Variants in NBPF19 observed in about 807,000 individuals in gnomAD.
The protein encoded by NBPF19 is NBPF member 19.
In NBPF19, 30 loss-of-function variants were observed where a neutral mutation model predicts 45.9. That is an observed-to-expected ratio of 0.65 (90% confidence interval 0.49 to 0.89). NBPF19 has a LOEUF of 0.89. Among genes scored for constraint, NBPF19 ranks in the 40% least tolerant of loss-of-function variants. NBPF19 has a pLI of 0.00. For synonymous variants in NBPF19, 183 were observed against 181.2 expected, an observed-to-expected ratio of 1.01 and a Z score of -0.08; for missense variants, 495 against 471.8, an observed-to-expected ratio of 1.05 and a Z score of -0.46.
At position 149,490,956 on chromosome 1, in the gene NBPF19, CTT is replaced by C. The variant is rs1431362861; in HGVS notation, c.1491-181_1491-180del. ...TGTGTGTGTGTGTGTCCATCTGTCTCTTTCATTCTTTTCCATTTGGCCCTGTT... is the reference window on the plus strand; with the variant it reads ...TGTGTGTGTGTGTGTCCATCTGTCTCTCATTCTTTTCCATTTGGCCCTGTT... On this transcript the variant is annotated intron_variant, in intron 13 of 93. Transcript: ENST00000651566. 3.1e-5 allele frequency among the ~76,000 whole-genome samples: 4 copies of C among 130,852 alleles called. 2 individuals are homozygous for C. Among genetic ancestry groups the C allele is most frequent in the African/African-American group, 1.2e-4 (4 of 32,290 alleles). The allele number at this position is 130,852 out of a possible 152,430, so 85.8% of individuals were successfully genotyped here.
intron 75 of NBPF19, among the ~76,000 whole-genome samples, chr1:149,540,092 GTC>G (rs2087075133): frequency 1.1e-4 from 2 of 18,978 alleles, no homozygotes; most frequent in Non-Finnish European, 8.1e-5. Context: ...CTCTGTCTCT[GTC>G]TCTCTCTCTC....
intron 3 of NBPF19, among the ~76,000 whole-genome samples, chr1:149,478,339 A>G (rs1317678798): frequency 6.6e-6 from 1 of 151,312 alleles, no homozygotes; most frequent in African/African-American, 2.4e-5. Context: ...AGCATTCAGT[A>G]TAATCAAAAT....
rs1281868207 is a variant in NBPF19, at chr1:149,475,508, A to G, written c.-323A>G. On this transcript the variant is annotated 5_prime_UTR_variant, in exon 1 of 94. An upstream start codon of the reference 5' UTR is lost. Coordinates refer to ENST00000651566, the MANE Select transcript of NBPF19 (RefSeq NM_001351365.2). ...AATACTGAGAGTGAATGCTGAAGGA[A>G]TGATCCCCATTGGTGGTGACCCTCA... 2 of 629,942 alleles carry G rather than the reference A, an allele frequency of 3.2e-6. No individual in the cohort carries two copies. Among genetic ancestry groups the G allele is most frequent in the Non-Finnish European group, 5.5e-6 (2 of 363,552 alleles). The allele number at this position is 629,942 out of a possible 1,614,324, so 39.0% of individuals were successfully genotyped here. A position where few individuals can be genotyped will look rare whatever the true frequency, so the allele number is the denominator to read the frequency against.
rs1421481299 is a variant in NBPF19, at chr1:149,554,776, G to A, written c.*38G>A. 1.4e-5 allele frequency: 23 copies of A among 1,607,220 alleles called. 1 individual carries two copies. Among genetic ancestry groups the A allele is most frequent in the Non-Finnish European group, 1.7e-5 (20 of 1,176,002 alleles). On this transcript the variant is annotated 3_prime_UTR_variant, in exon 94 of 94. Coordinates refer to ENST00000651566, the MANE Select transcript of NBPF19 (RefSeq NM_001351365.2). ...AAGCCGAGAGATGTCATTCCTGCAG[G>A]CAGGACCTATAGGCACGTGAAGATT...
chr1:149,487,338 G>T lies in NBPF19; in HGVS notation c.995G>T (p.Arg332Leu). 6.4e-7 allele frequency: 1 copy of T among 1,565,032 alleles called. No homozygotes were observed. The highest frequency in any genetic ancestry group is 1.4e-5 in the African/African-American group (1 of 73,964). Residue 332 changes from arginine (R) to leucine (L), a missense_variant, in exon 9 of 94, where the codon CGC becomes CTC. Physicochemically the swap from Arg to Leu is moderately radical, Grantham distance 102 (BLOSUM62 -2). Transcript: ENST00000651566. ...VCMAVDIGRH[R>L]WDQVKKEDQE... ...CATCTGAATTTATTTGCAGGACATC[G>T]CTGGGATCAAGTGAAAAAGGAGGAC...
chr1:149,528,941 CTCTCTGTG>C (rs1407716824), intron 61 of NBPF19, among the ~76,000 whole-genome samples: 1 of 124,168 alleles, frequency 8.1e-6, no homozygotes. Context: ...CTCGTTCTCT[CTCTCTGTG>C]TGTGTGTGTG....
chr1:149,555,781 T>C lies in NBPF19; in HGVS notation c.*1043T>C, dbSNP rs2087237321. On this transcript the variant is annotated 3_prime_UTR_variant, in exon 94 of 94. Transcript: ENST00000651566. ...TGGCTCAATGATCTACATTCTGAAGTTGTCTGAAAATGTCTTCATGATTAA... is the reference window on the plus strand; with the variant it reads ...TGGCTCAATGATCTACATTCTGAAGCTGTCTGAAAATGTCTTCATGATTAA... 1 of 150,774 alleles carries C rather than the reference T, an allele frequency of 6.6e-6. No individual in the cohort carries two copies. The highest frequency in any genetic ancestry group is 1.9e-4 in the East Asian group (1 of 5,160). 9.3% of individuals were successfully genotyped at this position (150,774 alleles called of 1,614,324 possible).
chr1:149,487,900 G>A (rs1375282442), intron 9 of NBPF19, 113 bp from the exon 10 acceptor site: 2 of 703,186 alleles, frequency 2.8e-6, no homozygotes, highest in East Asian at 2.9e-5. Context: ...CTCACTAATG[G>A]ATCTCTCCTT....
Position 149,486,589 on chromosome 1 carries a change from T to C in NBPF19, c.988+296T>C, listed in dbSNP as rs2085518344. On this transcript the variant is annotated intron_variant, in intron 8 of 93. Transcript: ENST00000651566. Reference sequence around the variant, plus strand: ...AACTCACACCAAACTATGTAGCACATGCCCAGGAGTTGTCTGTCAGATCAG... The same window carrying C: ...AACTCACACCAAACTATGTAGCACACGCCCAGGAGTTGTCTGTCAGATCAG... Among the ~76,000 whole-genome samples the C allele has an allele frequency of 4.0e-5, 6 of 151,510 alleles. 1 individual carries two copies. The highest frequency in any genetic ancestry group is 1.2e-4 in the African/African-American group (5 of 41,320).
rs2087244636 is a variant in NBPF19, at chr1:149,556,179, G to GAAAAC, written c.*1443_*1447dup. 6.8e-6 allele frequency: 1 copy of GAAAAC among 147,500 alleles called. No individual in the cohort carries two copies. The highest frequency in any genetic ancestry group is 2.2e-4 in the South Asian group (1 of 4,518). 9.1% of individuals were successfully genotyped at this position (147,500 alleles called of 1,614,324 possible). A position where few individuals can be genotyped will look rare whatever the true frequency, so the allele number is the denominator to read the frequency against. On this transcript the variant is annotated 3_prime_UTR_variant, in exon 94 of 94. Transcript: ENST00000651566. ...CTAGTGTCTGCTGTTGCAAAAAGAA[G>GAAAAC]AAAACATTCTCTGCCTGAGTTTTAA...
At chr1:149,477,279 A>G (rs1175117687) in intron 2 of NBPF19, among the ~76,000 whole-genome samples, 1 of 151,132 alleles carries the variant, frequency 6.6e-6, no homozygotes, top group Admixed American at 6.6e-5. Flanking sequence ...AACACTATCT[A>G]TTAGTTCTTC....
Position 149,486,173 on chromosome 1 carries a change from T to C in NBPF19, c.868T>C (p.Trp290Arg). Residue 290 changes from tryptophan (W) to arginine (R), a missense_variant, in exon 8 of 94, where the codon TGG (tryptophan) becomes CGG (arginine). Physicochemically the swap from Trp to Arg is moderately radical, Grantham distance 101. This residue lies in a region of NBPF19 where 146 missense variants were observed against 67.3 expected (regional missense o/e 2.17). Coordinates refer to ENST00000651566, the MANE Select transcript of NBPF19 (RefSeq NM_001351365.2). ...AGAGGAGGAAGTCCCCCAGGAGTCC[T>C]GGGATGAAGGTTATTCGACTCTCTC... ...SEEEEVPQES[W>R]DEGYSTLSIP... 1 of 458,856 alleles carries C rather than the reference T, an allele frequency of 2.2e-6. No homozygotes were observed. Among genetic ancestry groups the C allele is most frequent in the South Asian group, 2.1e-5 (1 of 46,648 alleles). 28.4% of individuals were successfully genotyped at this position (458,856 alleles called of 1,614,324 possible). A position where few individuals can be genotyped will look rare whatever the true frequency, so the allele number is the denominator to read the frequency against.
At chr1:149,528,979 ATCTG>A (rs1252614653) in intron 61 of NBPF19, among the ~76,000 whole-genome samples, 191 bp from the exon 62 acceptor site, 1 of 125,812 alleles carries the variant, frequency 7.9e-6, no homozygotes, top group African/African-American at 3.2e-5. Context: ...GTGTGTGTCT[ATCTG>A]TCTTTCTCTT....
Position 149,486,239 on chromosome 1 carries a change from A to G in NBPF19, c.934A>G (p.Ser312Gly), listed in dbSNP as rs3871941. ...EMLASYQSYS[S>G]TFHSLEEQQV... is the part of the protein sequence containing the mutation. ...GTTGGCCTCGTACCAGTCTTACAGC[A>G]GCACATTTCACTCATTAGAGGAACA... Residue 312 changes from serine (S) to glycine (G), a missense_variant, in exon 8 of 94, where the codon AGC (serine) becomes GGC (glycine). This residue lies in a region of NBPF19 where 146 missense variants were observed against 67.3 expected (regional missense o/e 2.17). Coordinates refer to ENST00000651566, the MANE Select transcript of NBPF19 (RefSeq NM_001351365.2). The G allele has an allele frequency of 5.4e-6, 3 of 554,322 alleles. No individual in the cohort carries two copies. In the South Asian group the frequency reaches 5.8e-5, roughly 11 times the overall value. The allele number at this position is 554,322 out of a possible 1,614,324, so 34.3% of individuals were successfully genotyped here. A position where few individuals can be genotyped will look rare whatever the true frequency, so the allele number is the denominator to read the frequency against.
At position 149,554,703 on chromosome 1, in the gene NBPF19, C is replaced by G. The variant is rs1179591630; in HGVS notation, c.11497C>G (p.Leu3833Val). The change falls in exon 94 of 94, where the codon CTG becomes GTG. Residue 3833 changes from leucine (L) to valine (V), a missense_variant. Physicochemically the swap from Leu to Val is conservative, Grantham distance 32 (BLOSUM62 1). Around this residue, in one of 8 missense-constraint regions of NBPF19, gnomAD observed 248 missense variants for 95.4 expected, o/e 2.60. Transcript: ENST00000651566. ...FFTLTVTSLH[L>V]VFQMLVIFPQ The stretch of plus-strand genomic sequence containing the variant: ...TACTTTGACGGTGACAAGTCTCCAT[C>G]TGGTGTTCCAGATGTTAGTCATATT... 13 of 1,608,190 alleles carry G rather than the reference C, an allele frequency of 8.1e-6. 1 individual carries two copies. Among genetic ancestry groups the G allele is most frequent in the East Asian group, 6.7e-5 (3 of 44,870 alleles).
intron 51 of NBPF19, among the ~76,000 whole-genome samples, 151 bp from the exon 52 acceptor site, chr1:149,521,168 C>G (rs1373741551): frequency 5.5e-5 from 4 of 73,084 alleles, no homozygotes; most frequent in Admixed American, 3.0e-4. Flanking sequence ...CCTGTTCTAT[C>G]CCAACATAAA....
Position 149,555,191 on chromosome 1 carries a change from A to T in NBPF19, c.*453A>T, listed in dbSNP as rs1351136575. The T allele has an allele frequency of 5.1e-6, 1 of 197,302 alleles. No homozygotes were observed. Among genetic ancestry groups the T allele is most frequent in the East Asian group, 1.3e-4 (1 of 7,454 alleles). 12.2% of individuals were successfully genotyped at this position (197,302 alleles called of 1,614,324 possible). A position where few individuals can be genotyped will look rare whatever the true frequency, so the allele number is the denominator to read the frequency against. ...TTGTTTTAGCTGATCCATCTGTAAC[A>T]CAGGAGGGATCCTTGGCTGAGGATT... On this transcript the variant is annotated 3_prime_UTR_variant, in exon 94 of 94. Coordinates refer to ENST00000651566, the MANE Select transcript of NBPF19 (RefSeq NM_001351365.2).
chr1:149,481,397 A>C (rs1157614620), intron 6 of NBPF19, among the ~76,000 whole-genome samples: 10 of 114,344 alleles, frequency 8.7e-5, no homozygotes, highest in African/African-American at 1.1e-4. Flanking sequence ...ATATATTTCC[A>C]TAAAGCAAGG....
chr1:149,554,672 G>A lies in NBPF19; in HGVS notation c.11466G>A (p.Arg3822=), dbSNP rs1452089530. Residue 3822 remains arginine (R), a synonymous_variant, in exon 94 of 94, where the codon AGG becomes AGA. Transcript: ENST00000651566. ...HISFALYLDN[R]FFTLTVTSLH... The stretch of plus-strand genomic sequence containing the variant: ...GCTTCGCCCTTTACTTGGACAATAG[G>A]TTTTTTACTTTGACGGTGACAAGTC... The A allele has an allele frequency of 4.7e-5, 75 of 1,608,088 alleles. 2 individuals are homozygous for A. Among genetic ancestry groups the A allele is most frequent in the Non-Finnish European group, 5.8e-5 (68 of 1,176,740 alleles).
Sources: gnomAD v4.1 joint callset for allele counts (sites outside exome capture counted in the v4.1 genomes callset) on GRCh38, gnomAD v4.1.1 for gene constraint, gnomAD v4.1.1 regional missense constraint, MANE v1.5 for transcripts, NCBI Gene and HGNC (gene_info 2026-07-23, HGNC 2026-07-21) for gene names.